PCDHA9: variants seen among roughly 807,000 people sequenced by gnomAD.
PCDHA9 encodes protocadherin alpha-9.
Under a neutral mutation model 62.0 loss-of-function variants are expected in PCDHA9, and 62 were observed. The observed-to-expected ratio is 1.00, with a 90% confidence interval of 0.81 to 1.23. The LOEUF (loss-of-function observed/expected upper bound fraction) is 1.23, where lower values mean the gene tolerates loss of function less well. Among genes scored for constraint, PCDHA9 ranks in the 50% most tolerant of loss-of-function variants. The probability of loss-of-function intolerance (pLI) is 0.00; values close to 1 mark genes in which losing one functional copy is unlikely to be tolerated. For missense variants in PCDHA9, 1,205 were observed against 1,249.8 expected, an observed-to-expected ratio of 0.96 and a Z score of 0.54; for synonymous variants, 557 against 567.6, an observed-to-expected ratio of 0.98 and a Z score of 0.27.
chr5:140,913,531 A>T (rs1451484656), intron 1 of PCDHA9, among the ~76,000 whole-genome samples: 1 of 151,914 alleles, frequency 6.6e-6, no homozygotes, highest in Admixed American at 6.6e-5. Flanking sequence ...TTTTCAAAAG[A>T]TTGACTTTTT....
chr5:140,915,132 AGAGAC>A (rs1406752818), intron 1 of PCDHA9, among the ~76,000 whole-genome samples: 1 of 151,994 alleles, frequency 6.6e-6, no homozygotes, highest in Non-Finnish European at 1.5e-5. Flanking sequence ...TATTTTTAGT[AGAGAC>A]GGGGTTTCAC....
intron 1 of PCDHA9, among the ~76,000 whole-genome samples, chr5:140,936,916 A>C (rs782442769): frequency 3.0e-4 from 46 of 152,222 alleles, no homozygotes; most frequent in Non-Finnish European, 6.6e-4. Context: ...ATCTGTAGAA[A>C]ATATGGGGTA....
chr5:140,960,395 AG>A (rs562972971), intron 1 of PCDHA9, among the ~76,000 whole-genome samples: 1 of 152,150 alleles, frequency 6.6e-6, no homozygotes, highest in African/African-American at 2.4e-5. Context: ...TTAGGATGCA[AG>A]GGGGGGTGCC....
intron 1 of PCDHA9, chr5:140,863,533 G>A: frequency 2.6e-6 from 1 of 389,860 alleles, no homozygotes; most frequent in Non-Finnish European, 5.0e-6. Flanking sequence ...TTCAGATTTT[G>A]GAGATGGACT....
intron 1 of PCDHA9, among the ~76,000 whole-genome samples, chr5:140,872,366 C>T (rs1474545806): frequency 5.3e-5 from 8 of 152,126 alleles, no homozygotes; most frequent in African/African-American, 1.4e-4. Flanking sequence ...GTGGTTCAGG[C>T]CTGTAATCCC....
chr5:140,895,315 A>C (rs541841623), intron 1 of PCDHA9, among the ~76,000 whole-genome samples: 2 of 152,036 alleles, frequency 1.3e-5, no homozygotes, highest in East Asian at 1.9e-4. Flanking sequence ...TCCACCCATG[A>C]CTATTGTTCT....
chr5:140,994,637 G>A (rs1355719166), intron 3 of PCDHA9, among the ~76,000 whole-genome samples: 1 of 152,078 alleles, frequency 6.6e-6, no homozygotes, highest in Non-Finnish European at 1.5e-5. Context: ...CCTGGAAGGT[G>A]GAGGTTGCAG....
At chr5:140,873,002 T>G (rs1454301001) in intron 1 of PCDHA9, among the ~76,000 whole-genome samples, 1 of 152,218 alleles carries the variant, frequency 6.6e-6, no homozygotes, top group East Asian at 1.9e-4. Flanking sequence ...TTCTGAGTCA[T>G]TCTTCATATT....
Position 141,009,978 on chromosome 5 carries a change from A to G in PCDHA9, c.*41A>G. On this transcript the variant is annotated 3_prime_UTR_variant, in exon 4 of 4. Coordinates refer to ENST00000532602, the MANE Select transcript of PCDHA9 (RefSeq NM_031857.2). Reference sequence around the variant, plus strand: ...ACAAGCCACTTAGCCAGTTTTTGTAATAATGGCAAATCTCTCCCATGTAGC... The same window carrying G: ...ACAAGCCACTTAGCCAGTTTTTGTAGTAATGGCAAATCTCTCCCATGTAGC... 2 of 1,583,512 alleles carry G rather than the reference A, an allele frequency of 1.3e-6. No homozygotes were observed. Among genetic ancestry groups the G allele is most frequent in the Non-Finnish European group, 1.7e-6 (2 of 1,168,204 alleles).
Position 140,850,022 on chromosome 5 carries a change from A to C in PCDHA9, c.1527A>C (p.Ser509=). The C allele has an allele frequency of 6.3e-7, 1 of 1,596,794 alleles. No individual in the cohort carries two copies. Among genetic ancestry groups the C allele is most frequent in the Admixed American group, 1.7e-5 (1 of 59,330 alleles). Residue 509 remains serine (S), a synonymous_variant, in exon 1 of 4, where the codon TCA becomes TCC. Coordinates refer to ENST00000532602, the MANE Select transcript of PCDHA9 (RefSeq NM_031857.2). ...AGCGCTCGCTGTCGAGCTACGTGTC[A>C]GTGCACGCGGAGAGCGGCAAGGTGT... The part of the protein sequence containing the change: ...LGERSLSSYV[S]VHAESGKVYA...
At chr5:140,882,702 C>T (rs2059269414) in intron 1 of PCDHA9, 1 of 1,614,098 alleles carries the variant, frequency 6.2e-7, no homozygotes, top group African/African-American at 1.3e-5. Flanking sequence ...ATTGCAGAAT[C>T]TAGACCTCCG....
At chr5:140,965,037 C>T (rs1260839947) in intron 1 of PCDHA9, among the ~76,000 whole-genome samples, 1 of 152,142 alleles carries the variant, frequency 6.6e-6, no homozygotes, top group African/African-American at 2.4e-5. Context: ...TAACTGTCCG[C>T]TCTAGGAGGG....
At chr5:140,877,724 C>A in intron 1 of PCDHA9, 1 of 1,614,150 alleles carries the variant, frequency 6.2e-7, no homozygotes, top group Non-Finnish European at 8.5e-7. Context: ...TGGTCTTACT[C>A]GCAGCAGAGG....
At chr5:140,975,634 A>G (rs1457671890) in intron 1 of PCDHA9, among the ~76,000 whole-genome samples, 4 of 152,244 alleles carry the variant, frequency 2.6e-5, no homozygotes, top group African/African-American at 9.6e-5. Context: ...TGGTACGAAG[A>G]TAGCATATTA....
intron 1 of PCDHA9, chr5:140,876,192 G>C: frequency 6.2e-7 from 1 of 1,613,850 alleles, no homozygotes; most frequent in Non-Finnish European, 8.5e-7. Flanking sequence ...ACAATGGTCC[G>C]GCGTTTGATA....
intron 1 of PCDHA9, chr5:140,875,344 A>G: frequency 1.4e-6 from 2 of 1,442,996 alleles, no homozygotes; most frequent in East Asian, 2.5e-5. Context: ...TCGACTCCAT[A>G]ATGACTGTGA....
chr5:140,965,648 GA>G (rs2095919572), intron 1 of PCDHA9, among the ~76,000 whole-genome samples: 1 of 152,128 alleles, frequency 6.6e-6, no homozygotes, highest in Non-Finnish European at 1.5e-5. Context: ...ACTCTTGAAA[GA>G]AAATGTCTTG....
chr5:140,967,379 A>G (rs1554229509), intron 1 of PCDHA9: 2 of 1,608,268 alleles, frequency 1.2e-6, no homozygotes, highest in East Asian at 2.2e-5. Flanking sequence ...GGAGAACAGT[A>G]AAGTGCTTGA....
At position 140,850,653 on chromosome 5, in the gene PCDHA9, G is replaced by T. The variant is rs1472245010; in HGVS notation, c.2158G>T (p.Val720Leu). The T allele has an allele frequency of 2.5e-6, 4 of 1,598,606 alleles. No homozygotes were observed. The African/African-American group carries it at 4.0e-5, about 16-fold the overall frequency. The change falls in exon 1 of 4, where the codon GTG becomes TTG. Residue 720 changes from valine (V) to leucine (L), a missense_variant. Around this residue, in one of 3 missense-constraint regions of PCDHA9, gnomAD observed 887 missense variants for 809.5 expected, o/e 1.10. Transcript: ENST00000532602. ...LLVLTLLLYT[V>L]LRCSAMPTEG... Reference sequence around the variant, plus strand: ...GGTTCTCACGCTGCTGCTGTACACTGTGCTGCGGTGCTCGGCGATGCCCAC... The same window carrying T: ...GGTTCTCACGCTGCTGCTGTACACTTTGCTGCGGTGCTCGGCGATGCCCAC...
Sources: gnomAD v4.1 joint callset for allele counts (sites outside exome capture counted in the v4.1 genomes callset) on GRCh38, gnomAD v4.1.1 for gene constraint, gnomAD v4.1.1 regional missense constraint, MANE v1.5 for transcripts, NCBI Gene and HGNC (gene_info 2026-07-23, HGNC 2026-07-21) for gene names.